The following PPP2R5C variants were observed in gnomAD, a reference collection of about 807,000 sequenced individuals.
PPP2R5C encodes the protein serine/threonine-protein phosphatase 2A 56 kDa regulatory subunit gamma isoform.
A neutral mutation model predicts 68.9 loss-of-function variants in PPP2R5C; 7 were observed. That is an observed-to-expected ratio of 0.10 (90% confidence interval 0.06 to 0.19). PPP2R5C has a LOEUF of 0.19. PPP2R5C is among the 10% of genes least tolerant of loss of function. The pLI is 1.00. For missense variants in PPP2R5C, 348 were observed against 641.3 expected (o/e 0.54, Z 4.94); for synonymous variants, 210 against 222.2 (o/e 0.95, Z 0.49).
chr14:101,862,689 T>C (rs2042817890), intron 2 of PPP2R5C, among the ~76,000 whole-genome samples: 1 of 152,196 alleles, frequency 6.6e-6, no homozygotes, highest in Non-Finnish European at 1.5e-5. Flanking sequence ...TAATCTAGCA[T>C]TTTTCTATTA....
chr14:101,866,515 C>A (rs1005852930), intron 2 of PPP2R5C, among the ~76,000 whole-genome samples: 2 of 152,004 alleles, frequency 1.3e-5, no homozygotes, highest in African/African-American at 4.8e-5. Context: ...ACTAAAAATA[C>A]AAAAATTAGC....
chr14:101,777,513 C>G (rs1338532992), intron 2 of PPP2R5C, among the ~76,000 whole-genome samples: 1 of 152,044 alleles, frequency 6.6e-6, no homozygotes, highest in Non-Finnish European at 1.5e-5. Flanking sequence ...CCATGCCCGG[C>G]TAATTTTTGT....
At chr14:101,872,359 G>A (rs544771750) in intron 2 of PPP2R5C, among the ~76,000 whole-genome samples, 2 of 149,652 alleles carry the variant, frequency 1.3e-5, no homozygotes, top group East Asian at 3.9e-4. Context: ...CCCCAACTCT[G>A]CCCCAGTAGC....
chr14:101,867,855 C>G (rs1184581352), intron 2 of PPP2R5C, among the ~76,000 whole-genome samples: 1 of 152,090 alleles, frequency 6.6e-6, no homozygotes, highest in East Asian at 1.9e-4. Context: ...TTTATCAGGA[C>G]TCTTGTTGGT....
chr14:101,869,717 C>G (rs901417269), intron 2 of PPP2R5C, among the ~76,000 whole-genome samples: 1 of 152,142 alleles, frequency 6.6e-6, no homozygotes, highest in African/African-American at 2.4e-5. Flanking sequence ...TGCAGTGGCT[C>G]AATCATGGCT....
intron 7 of PPP2R5C, among the ~76,000 whole-genome samples, chr14:101,893,735 A>C (rs139044998): frequency 0.012 from 1,762 of 152,348 alleles, 41 homozygotes; most frequent in African/African-American, 0.04. Context: ...GGGCAACAAG[A>C]GTGAAACTCC....
Position 101,906,968 on chromosome 14 carries a change from G to A in PPP2R5C, c.1151+439G>A, listed in dbSNP as rs1485317669. Among the ~76,000 whole-genome samples, 1 of 152,142 alleles carries A rather than the reference G, an allele frequency of 6.6e-6. No individual in the cohort carries two copies. Among genetic ancestry groups the A allele is most frequent in the African/African-American group, 2.4e-5 (1 of 41,444 alleles). On this transcript the variant is annotated intron_variant, in intron 10 of 13. Coordinates refer to ENST00000334743, the Ensembl canonical transcript of PPP2R5C. This position sits in a 1 kb window ranked among gnomAD's most constrained non-coding sequence, Gnocchi z 4.0. ...CACCCCACAGTGGTCACTACCTGGA[G>A]AAGAAGAGGGAAGCCAGGTGATCTG...
chr14:101,817,021 AATCTCAG>A (rs1399318548), intron 1 of PPP2R5C, among the ~76,000 whole-genome samples: 6 of 148,368 alleles, frequency 4.0e-5, no homozygotes, highest in African/African-American at 1.5e-4. Flanking sequence ...GCAGTGGAGC[AATCTCAG>A]CTCACTGCAG....
intron 3 of PPP2R5C, among the ~76,000 whole-genome samples, chr14:101,794,434 G>A (rs975893496): frequency 2.6e-5 from 4 of 152,214 alleles, no homozygotes; most frequent in East Asian, 3.9e-4. Context: ...AGTTCCATGC[G>A]ATGTTGCCCA....
At chr14:101,765,434 G>T (rs1364216766) in intron 2 of PPP2R5C, 1 of 595,112 alleles carries the variant, frequency 1.7e-6, no homozygotes, top group African/African-American at 1.9e-5. Context: ...TACCAAATAT[G>T]ATTGACTCAT....
At chr14:101,919,980 A>AAACAAAAAAAC (rs1555403919) in intron 13 of PPP2R5C, among the ~76,000 whole-genome samples, 3 of 114,144 alleles carry the variant, frequency 2.6e-5, no homozygotes, top group African/African-American at 1.3e-4. Context: ...AAAAAAAAAA[A>AAACAAAAAAAC]AAAAAAAAAA....
chr14:101,836,073 AT>A, intron 1 of PPP2R5C: 2 of 614,464 alleles, frequency 3.3e-6, no homozygotes. Flanking sequence ...GGGAAATTAA[AT>A]TTTTTTAATT....
intron 2 of PPP2R5C, among the ~76,000 whole-genome samples, chr14:101,782,780 C>T (rs1395700268): frequency 1.6e-4 from 1 of 6,226 alleles, no homozygotes; most frequent in Admixed American, 1.3e-3. Context: ...CTCTCTCTTT[C>T]TCCCCTTCCC....
intron 1 of PPP2R5C, among the ~76,000 whole-genome samples, chr14:101,845,325 C>A (rs926167826): frequency 2.0e-5 from 3 of 152,046 alleles, no homozygotes; most frequent in South Asian, 4.1e-4. Context: ...GAGTCTGAAC[C>A]GGGAGTCAGT....
At chr14:101,892,409 G>A (rs1039325813) in intron 6 of PPP2R5C, among the ~76,000 whole-genome samples, 8 of 151,810 alleles carry the variant, frequency 5.3e-5, no homozygotes, top group Admixed American at 1.3e-4. Flanking sequence ...GGGGTCCCAC[G>A]TGAACTGTCC....
intron 1 of PPP2R5C, among the ~76,000 whole-genome samples, chr14:101,851,460 A>G (rs1187973552): frequency 6.6e-6 from 1 of 152,242 alleles, no homozygotes; most frequent in East Asian, 1.9e-4. Flanking sequence ...CGTGCATGGA[A>G]GCTGAGGGTG....
intron 2 of PPP2R5C, among the ~76,000 whole-genome samples, chr14:101,785,511 A>G (rs1403119129): frequency 1.3e-5 from 2 of 151,958 alleles, no homozygotes; most frequent in African/African-American, 2.4e-5. Flanking sequence ...TAGCATCTTC[A>G]CATCTCTCTC....
intron 8 of PPP2R5C, 49 bp from the exon 11 acceptor site, chr14:101,901,670 G>A (rs767654389): frequency 1.5e-5 from 24 of 1,585,830 alleles, no homozygotes; most frequent in Non-Finnish European, 2.0e-5. Flanking sequence ...CCATGCAGGT[G>A]TTGGGGCCTC....
intron 13 of PPP2R5C, among the ~76,000 whole-genome samples, chr14:101,918,756 C>CT (rs1385279367): frequency 1.4e-5 from 2 of 143,210 alleles, no homozygotes; most frequent in Non-Finnish European, 3.0e-5. Context: ...CCTGTAGACA[C>CT]TTAGGACAAC....
Sources: allele counts gnomAD v4.1 joint callset (sites outside exome capture counted in the v4.1 genomes callset), GRCh38; gene constraint gnomAD v4.1.1; non-coding constraint Gnocchi (gnomAD v3.1); transcripts MANE v1.5; gene names NCBI Gene and HGNC (gene_info 2026-07-23, HGNC 2026-07-21).